The following RNF13 variants were observed in gnomAD, a reference collection of about 807,000 sequenced individuals.
RNF13 encodes the protein E3 ubiquitin-protein ligase RNF13.
Under a neutral mutation model 37.7 loss-of-function variants are expected in RNF13, and 19 were observed. The ratio of observed to expected loss-of-function variants is 0.50; its 90% confidence interval spans 0.35 to 0.74. The LOEUF is 0.74. RNF13 is among the 30% of genes least tolerant of loss of function. The probability of loss-of-function intolerance (pLI) is 0.01; values close to 1 mark genes in which losing one functional copy is unlikely to be tolerated. For synonymous variants in RNF13, 144 were observed against 157.8 expected (o/e 0.91, Z 0.65); for missense variants, 375 against 453.0 (o/e 0.83, Z 1.56).
intron 2 of RNF13, among the ~76,000 whole-genome samples, chr3:149,847,541 C>T (rs1722759341): frequency 6.6e-6 from 1 of 151,894 alleles, no homozygotes; most frequent in Non-Finnish European, 1.5e-5. Flanking sequence ...TGCTAGTAAT[C>T]CATACGAGAT....
At chr3:149,955,935 T>C (rs1410450599) in intron 8 of RNF13, among the ~76,000 whole-genome samples, 2 of 152,168 alleles carry the variant, frequency 1.3e-5, no homozygotes, top group Non-Finnish European at 2.9e-5. Flanking sequence ...TCTTTCTAAA[T>C]TTAATTTTAT....
chr3:149,852,958 A>T (rs909340701), intron 3 of RNF13, among the ~76,000 whole-genome samples: 2 of 151,884 alleles, frequency 1.3e-5, no homozygotes, highest in African/African-American at 4.8e-5. Flanking sequence ...TCTGTATTTA[A>T]CACTAATAGA....
At chr3:149,839,769 A>G (rs1387873107) in intron 1 of RNF13, among the ~76,000 whole-genome samples, 3 of 152,088 alleles carry the variant, frequency 2.0e-5, no homozygotes, top group Non-Finnish European at 4.4e-5. Context: ...GGATTTTTTT[A>G]AAGGATATCT....
intron 8 of RNF13, among the ~76,000 whole-genome samples, chr3:149,932,594 A>G (rs895535725): frequency 6.6e-6 from 1 of 152,234 alleles, no homozygotes; most frequent in African/African-American, 2.4e-5. Flanking sequence ...AATAGGCCCC[A>G]CACAAGTCTG....
intron 8 of RNF13, chr3:149,939,825 G>T: frequency 1.9e-6 from 1 of 535,526 alleles, no homozygotes; most frequent in South Asian, 1.5e-5. Flanking sequence ...TTAGGTGGGA[G>T]AGAAGGTGGA....
chr3:149,820,035 T>C (rs1719868454), intron 1 of RNF13, among the ~76,000 whole-genome samples: 1 of 152,160 alleles, frequency 6.6e-6, no homozygotes, highest in South Asian at 2.1e-4. Context: ...TTTAAATGTT[T>C]ATTGCCACAT....
intron 9 of RNF13, 90 bp from the exon 10 acceptor site, chr3:149,960,650 T>C: frequency 7.6e-7 from 1 of 1,315,580 alleles, no homozygotes; most frequent in Non-Finnish European, 1.1e-6. Context: ...ACATGATACA[T>C]ACAGAACACT....
At chr3:149,858,213 C>T (rs1489082015) in intron 3 of RNF13, among the ~76,000 whole-genome samples, 1 of 152,180 alleles carries the variant, frequency 6.6e-6, no homozygotes, top group African/African-American at 2.4e-5. Context: ...AATAAAACTC[C>T]TTCCTTTATA....
At chr3:149,953,747 G>A (rs1434917410) in intron 8 of RNF13, among the ~76,000 whole-genome samples, 2 of 152,148 alleles carry the variant, frequency 1.3e-5, no homozygotes, top group African/African-American at 4.8e-5. Context: ...GTGACCTTGT[G>A]CAAGTTTCTT....
chr3:149,880,614 A>T (rs536320881), intron 4 of RNF13, among the ~76,000 whole-genome samples: 1 of 152,314 alleles, frequency 6.6e-6, no homozygotes, highest in African/African-American at 2.4e-5. Context: ...TCACTGGGAA[A>T]AAAAGACGAA....
At chr3:149,818,615 G>A (rs1200678552) in intron 1 of RNF13, among the ~76,000 whole-genome samples, 1 of 152,158 alleles carries the variant, frequency 6.6e-6, no homozygotes, top group Non-Finnish European at 1.5e-5. Flanking sequence ...GATTGAGGGT[G>A]AGAAGAAGAG....
At chr3:149,821,138 A>C (rs1462203610) in intron 1 of RNF13, among the ~76,000 whole-genome samples, 2 of 152,126 alleles carry the variant, frequency 1.3e-5, no homozygotes, top group African/African-American at 4.8e-5. Flanking sequence ...ATTTGTGTCC[A>C]AGGATTTATT....
At chr3:149,952,730 G>T (rs181966171) in intron 8 of RNF13, among the ~76,000 whole-genome samples, 1 of 152,178 alleles carries the variant, frequency 6.6e-6, no homozygotes, top group East Asian at 1.9e-4. Context: ...CTCCTGAGTA[G>T]CTGGGATTAC....
intron 7 of RNF13, among the ~76,000 whole-genome samples, chr3:149,912,490 A>G (rs1270392133): frequency 2.0e-5 from 3 of 152,194 alleles, no homozygotes; most frequent in East Asian, 3.8e-4. Context: ...TAGTAATGAC[A>G]TGCATGCCAA....
At chr3:149,933,545 G>T (rs1719371822) in intron 8 of RNF13, among the ~76,000 whole-genome samples, 1 of 150,560 alleles carries the variant, frequency 6.6e-6, no homozygotes, top group Non-Finnish European at 1.5e-5. Flanking sequence ...CAACTGTACT[G>T]AATTTGCTAT....
intron 1 of RNF13, among the ~76,000 whole-genome samples, chr3:149,838,836 G>T (rs1473190747): frequency 6.8e-6 from 1 of 147,878 alleles, no homozygotes; most frequent in African/African-American, 2.5e-5. Context: ...CTCAGAAAAT[G>T]GGTTTTTCTT....
chr3:149,923,801 G>T (rs2108542573), intron 8 of RNF13, among the ~76,000 whole-genome samples: 1 of 151,796 alleles, frequency 6.6e-6, no homozygotes, highest in East Asian at 1.9e-4. Flanking sequence ...TTAAAAAATG[G>T]TGATACTGTC....
chr3:149,929,431 A>C (rs953236300), intron 8 of RNF13, among the ~76,000 whole-genome samples: 1 of 152,226 alleles, frequency 6.6e-6, no homozygotes, highest in Non-Finnish European at 1.5e-5. Context: ...ATTATAATTC[A>C]AGATGAGATT....
At chr3:149,875,858 G>A (rs1712622406) in intron 4 of RNF13, among the ~76,000 whole-genome samples, 1 of 2,328 alleles carries the variant, frequency 4.3e-4, no homozygotes, top group African/African-American at 4.0e-3. Flanking sequence ...GCGAAACAGT[G>A]CTATTTTGTC....
Sources: gnomAD v4.1 joint callset for allele counts (sites outside exome capture counted in the v4.1 genomes callset) on GRCh38, gnomAD v4.1.1 for gene constraint, MANE v1.5 for transcripts, NCBI Gene and HGNC (gene_info 2026-07-23, HGNC 2026-07-21) for gene names.